The following GRIK2 variants were observed in gnomAD, a reference collection of about 807,000 sequenced individuals.
GRIK2 encodes glutamate ionotropic receptor kainate type subunit 2.
In GRIK2, 32 loss-of-function variants were observed where a neutral mutation model predicts 100.3. That is an observed-to-expected ratio of 0.32 (90% CI 0.24 to 0.43). GRIK2 has a LOEUF of 0.43. Among genes scored for constraint, GRIK2 ranks in the 20% least tolerant of loss-of-function variants. GRIK2 has a pLI of 1.00. For missense variants in GRIK2, 843 were observed against 1,114.9 expected (o/e 0.76, Z 3.47); for synonymous variants, 417 against 389.4 (o/e 1.07, Z -0.83).
intron 2 of GRIK2, among the ~76,000 whole-genome samples, chr6:101,455,315 G>T (rs2128250580): frequency 6.6e-6 from 1 of 152,206 alleles, no homozygotes; most frequent in Admixed American, 6.6e-5. Flanking sequence ...TGTATATTGA[G>T]TCTCCTCTCT....
intron 2 of GRIK2, among the ~76,000 whole-genome samples, chr6:101,496,480 G>C (rs779520528): frequency 6.6e-6 from 1 of 152,122 alleles, no homozygotes; most frequent in Non-Finnish European, 1.5e-5. Flanking sequence ...AAACTATTCT[G>C]AACTGTCAGT....
intron 4 of GRIK2, among the ~76,000 whole-genome samples, chr6:101,668,516 T>G (rs1218972216): frequency 1.3e-5 from 2 of 152,076 alleles, no homozygotes; most frequent in South Asian, 4.1e-4. Context: ...ATAAAATTAA[T>G]TCTTTGAAAG....
intron 12 of GRIK2, among the ~76,000 whole-genome samples, chr6:101,920,818 A>C (rs778223950): frequency 5.3e-5 from 8 of 151,618 alleles, no homozygotes; most frequent in Non-Finnish European, 8.8e-5. Context: ...GGAAAGTGTG[A>C]AGAATCTTGA....
At chr6:101,420,892 G>T (rs1776380239) in intron 2 of GRIK2, among the ~76,000 whole-genome samples, 4 of 152,146 alleles carry the variant, frequency 2.6e-5, no homozygotes, top group Admixed American at 2.6e-4. Context: ...AGGGGAAAAA[G>T]GGTTAACATT....
intron 2 of GRIK2, among the ~76,000 whole-genome samples, chr6:101,537,125 A>C (rs1345485848): frequency 6.6e-6 from 1 of 151,700 alleles, no homozygotes; most frequent in Non-Finnish European, 1.5e-5. Context: ...AGTGCTCCTG[A>C]AACTGATCTA....
In GRIK2 at chr6:101,558,231, A is replaced by T. The variant is rs1179919390; in HGVS notation, c.116-63718A>T. 2.0e-5 allele frequency among the ~76,000 whole-genome samples: 3 copies of T among 152,210 alleles called. No individual in the cohort carries two copies. The East Asian group carries it at 5.8e-4, about 29-fold the overall frequency. ...TCCACTTGAGCTTTCCACATTCAAT[A>T]AACATTCTTTAGGTGTTGACTAGGT... On this transcript the variant is annotated intron_variant, in intron 2 of 16. Transcript: ENST00000369134.
intron 2 of GRIK2, among the ~76,000 whole-genome samples, chr6:101,566,089 G>C (rs1777258903): frequency 6.6e-6 from 1 of 151,500 alleles, no homozygotes; most frequent in Non-Finnish European, 1.5e-5. Context: ...AGCTGAAAAG[G>C]AGGAGGAAGA....
rs202126876 is a variant in GRIK2 at position 101,989,854 on chromosome 6, T to TTA, written c.2086-45474_2086-45473dup. Reference sequence around the variant, plus strand: ...TATTTCCTTTGTGGAAACCATGAAATTATATATATATATAATTTTTGAACA... The same window carrying TTA: ...TATTTCCTTTGTGGAAACCATGAAATTATATATATATATATAATTTTTGAACA... On this transcript the variant is annotated intron_variant, in intron 14 of 16. Coordinates refer to ENST00000369134, the MANE Select transcript of GRIK2 (RefSeq NM_021956.5). Among the ~76,000 whole-genome samples the TTA allele has an allele frequency of 1.2e-3, 177 of 150,980 alleles. 1 individual carries two copies. Among genetic ancestry groups the TTA allele is most frequent in the African/African-American group, 3.3e-3 (138 of 41,366 alleles).
intron 2 of GRIK2, among the ~76,000 whole-genome samples, chr6:101,544,168 A>G (rs150397849): frequency 2.2e-3 from 331 of 152,098 alleles, no homozygotes; most frequent in Middle Eastern, 6.8e-3. Context: ...TATCCCCTCC[A>G]TCCCCTTTTC....
chr6:101,633,575 A>G (rs1337961081), intron 4 of GRIK2, among the ~76,000 whole-genome samples: 2 of 152,168 alleles, frequency 1.3e-5, no homozygotes. Context: ...ACTAAACTCT[A>G]TGATAAAGAA....
At chr6:101,417,478 T>G (rs1776207746) in intron 2 of GRIK2, among the ~76,000 whole-genome samples, 1 of 152,218 alleles carries the variant, frequency 6.6e-6, no homozygotes, top group Non-Finnish European at 1.5e-5. Context: ...GTGTTGCTGC[T>G]CTGTGCCCTC....
At chr6:101,561,338 G>A (rs1439247637) in intron 2 of GRIK2, among the ~76,000 whole-genome samples, 1 of 151,882 alleles carries the variant, frequency 6.6e-6, no homozygotes, top group East Asian at 1.9e-4. Flanking sequence ...TAGATCTCAT[G>A]GAGGCAGAGA....
intron 2 of GRIK2, among the ~76,000 whole-genome samples, chr6:101,559,212 T>G (rs764891039): frequency 6.6e-6 from 1 of 152,150 alleles, no homozygotes; most frequent in Non-Finnish European, 1.5e-5. Context: ...TTTTTTTTTA[T>G]ACCAGAGTTA....
At chr6:101,573,497 C>G (rs536030894) in intron 2 of GRIK2, among the ~76,000 whole-genome samples, 49 of 152,262 alleles carry the variant, frequency 3.2e-4, no homozygotes, top group Non-Finnish European at 6.3e-4. Context: ...CTAATACTCA[C>G]GTTGTTTCAT....
chr6:101,781,822 T>A (rs1423623832), intron 7 of GRIK2, among the ~76,000 whole-genome samples: 1 of 149,644 alleles, frequency 6.7e-6, no homozygotes, highest in Non-Finnish European at 1.5e-5. Flanking sequence ...TTGAACCATA[T>A]TCATACATTA....
chr6:101,639,213 T>C (rs775844076), intron 4 of GRIK2, among the ~76,000 whole-genome samples: 22 of 151,990 alleles, frequency 1.4e-4, no homozygotes, highest in South Asian at 2.1e-4. Flanking sequence ...ATTTTAGTAT[T>C]TTTTAGTAGA....
chr6:101,441,689 G>A (rs1465453906), intron 2 of GRIK2, among the ~76,000 whole-genome samples: 2 of 151,982 alleles, frequency 1.3e-5, no homozygotes, highest in African/African-American at 4.8e-5. Context: ...TTTGTTACAT[G>A]AGTAAACATG....
Position 101,721,780 on chromosome 6 carries a change from G to A in GRIK2, c.951+35427G>A, listed in dbSNP as rs182539755. On this transcript the variant is annotated intron_variant, in intron 7 of 16. Coordinates refer to ENST00000369134, the MANE Select transcript of GRIK2 (RefSeq NM_021956.5). ...ACTTTTCTTAACCCTATGGAATTCT[G>A]ACATACTTACATGGAACACATATAT... is the stretch of plus-strand genomic sequence containing the variant. Among the ~76,000 whole-genome samples, 296 of 151,508 alleles carry A rather than the reference G, an allele frequency of 2.0e-3. 2 individuals carry two copies. Among genetic ancestry groups the A allele is most frequent in the African/African-American group, 6.5e-3 (270 of 41,288 alleles).
At chr6:101,627,517 G>A (rs879749895) in intron 4 of GRIK2, among the ~76,000 whole-genome samples, 25 of 152,168 alleles carry the variant, frequency 1.6e-4, no homozygotes, top group Admixed American at 9.2e-4. Context: ...GCCTTGTGAT[G>A]AGTCAGTGAA....
Sources: allele counts gnomAD v4.1 joint callset (sites outside exome capture counted in the v4.1 genomes callset), GRCh38; gene constraint gnomAD v4.1.1; transcripts MANE v1.5; gene names NCBI Gene and HGNC (gene_info 2026-07-23, HGNC 2026-07-21).